PCED1B: variants seen among roughly 807,000 people sequenced by gnomAD.
PCED1B encodes the protein PC-esterase domain-containing protein 1B.
For synonymous variants in PCED1B, 251 were observed against 246.1 expected (o/e 1.02, Z -0.19); for missense variants, 573 against 573.9 (o/e 1.00, Z 0.02).
intron 2 of PCED1B, among the ~76,000 whole-genome samples, chr12:47,169,261 A>C (rs1294869420): frequency 6.6e-6 from 1 of 152,160 alleles, no homozygotes; most frequent in Non-Finnish European, 1.5e-5. Flanking sequence ...GAAACTTAGC[A>C]AGGCCTATTT....
At chr12:47,198,724 G>C (rs1212345730) in intron 2 of PCED1B, among the ~76,000 whole-genome samples, 1 of 152,162 alleles carries the variant, frequency 6.6e-6, no homozygotes, top group African/African-American at 2.4e-5. Flanking sequence ...CAGCACTTTG[G>C]GTGGCCAAGG....
chr12:47,198,111 A>G (rs1376533339), intron 2 of PCED1B, among the ~76,000 whole-genome samples: 1 of 152,240 alleles, frequency 6.6e-6, no homozygotes, highest in Non-Finnish European at 1.5e-5. Context: ...CTACAGACTC[A>G]TATCTTTCAC....
intron 1 of PCED1B, among the ~76,000 whole-genome samples, chr12:47,083,737 A>G (rs1335157327): frequency 6.6e-6 from 1 of 152,018 alleles, no homozygotes; most frequent in African/African-American, 2.4e-5. Flanking sequence ...GTTTCTCTGG[A>G]CGCTCCCTTT....
chr12:47,210,281 A>G (rs1943036915), intron 2 of PCED1B: 1 of 152,250 alleles, frequency 6.6e-6, no homozygotes, highest in African/African-American at 2.4e-5. Flanking sequence ...GAAAATAACC[A>G]CAATCAGAGT....
intron 2 of PCED1B, among the ~76,000 whole-genome samples, chr12:47,112,448 G>A (rs1939240504): frequency 6.6e-6 from 1 of 152,128 alleles, no homozygotes. Context: ...CTATCCTGGA[G>A]GAAAATATAT....
At chr12:47,199,930 G>C (rs1216978766) in intron 2 of PCED1B, among the ~76,000 whole-genome samples, 1 of 152,090 alleles carries the variant, frequency 6.6e-6, no homozygotes, top group Non-Finnish European at 1.5e-5. Flanking sequence ...GAAAATAAAA[G>C]GGCAAGCCAC....
At chr12:47,116,781 A>G (rs1565756890) in intron 2 of PCED1B, among the ~76,000 whole-genome samples, 1 of 152,196 alleles carries the variant, frequency 6.6e-6, no homozygotes, top group African/African-American at 2.4e-5. Context: ...TACCACTGCA[A>G]GTCTAGGAAG....
At chr12:47,156,976 C>T (rs1395651268) in intron 2 of PCED1B, among the ~76,000 whole-genome samples, 1 of 152,076 alleles carries the variant, frequency 6.6e-6, no homozygotes, top group Non-Finnish European at 1.5e-5. Flanking sequence ...AGTAAAATGC[C>T]TAATGCTAAT....
At position 47,235,232 on chromosome 12, in the gene PCED1B, G is replaced by C; in HGVS notation, c.169G>C (p.Glu57Gln). The change falls in exon 4 of 4, where the codon GAA (glutamate) becomes CAA (glutamine). Residue 57 changes from glutamate (E) to glutamine (Q), a missense_variant. By Grantham distance (29) the Glu-to-Gln change is conservative. Coordinates refer to ENST00000546455, the MANE Select transcript of PCED1B (RefSeq NM_138371.3). ...QLRARGELNF[E>Q]QDELVDGGQR... ...TAGAGCAAGGGGGGAGCTGAACTTC[G>C]AACAAGATGAGCTGGTGGACGGAGG... The C allele has an allele frequency of 6.2e-7, 1 of 1,611,852 alleles. No individual in the cohort carries two copies. The highest frequency in any genetic ancestry group is 8.5e-7 in the Non-Finnish European group (1 of 1,178,700).
At chr12:47,174,667 G>A (rs147424971) in intron 2 of PCED1B, among the ~76,000 whole-genome samples, 4 of 152,160 alleles carry the variant, frequency 2.6e-5, no homozygotes, top group African/African-American at 9.6e-5. Flanking sequence ...GAATATGACA[G>A]TTTTGTAAAA....
chr12:47,219,912 A>C (rs575347641), intron 3 of PCED1B, among the ~76,000 whole-genome samples: 18 of 152,182 alleles, frequency 1.2e-4, no homozygotes, highest in African/African-American at 4.3e-4. Flanking sequence ...ATTATTCAGA[A>C]GATTCACTGT....
intron 2 of PCED1B, among the ~76,000 whole-genome samples, chr12:47,163,944 A>G (rs1941466283): frequency 6.6e-6 from 1 of 152,168 alleles, no homozygotes; most frequent in Admixed American, 6.5e-5. Flanking sequence ...CTGTAACAAC[A>G]TGCTTTCTGG....
At chr12:47,220,347 T>A (rs893880318) in intron 3 of PCED1B, among the ~76,000 whole-genome samples, 1 of 152,050 alleles carries the variant, frequency 6.6e-6, no homozygotes, top group African/African-American at 2.4e-5. Context: ...AATTTTTGTA[T>A]TTTTAGTAGA....
At chr12:47,157,101 C>T (rs148820474) in intron 2 of PCED1B, among the ~76,000 whole-genome samples, 1 of 152,104 alleles carries the variant, frequency 6.6e-6, no homozygotes, top group Non-Finnish European at 1.5e-5. Context: ...ACATCAGGTA[C>T]ACAGAGAGCA....
rs1233280547 is a variant in PCED1B at position 47,089,461 on chromosome 12, C to CATGTATATATATATATATAT, written c.-609+9738_-609+9739insGTATATATATATATATATAT. Among the ~76,000 whole-genome samples the CATGTATATATATATATATAT allele has an allele frequency of 4.7e-3, 295 of 63,348 alleles. 28 individuals carry two copies. The highest frequency in any genetic ancestry group is 0.014 in the Admixed American group (51 of 3,736). The allele number at this position is 63,348 out of a possible 152,430, so 41.6% of individuals were successfully genotyped here. Reference sequence around the variant, plus strand: ...GACTCCATCTCAAAAAAAAAAAATACATATATATATATATATATATATATA... The same window carrying CATGTATATATATATATATAT: ...GACTCCATCTCAAAAAAAAAAAATACATGTATATATATATATATATATATATATATATATATATATATATA... On this transcript the variant is annotated intron_variant, in intron 1 of 3. Coordinates refer to ENST00000546455, the MANE Select transcript of PCED1B (RefSeq NM_138371.3).
intron 2 of PCED1B, among the ~76,000 whole-genome samples, chr12:47,156,954 T>A (rs964248850): frequency 6.6e-6 from 1 of 152,062 alleles, no homozygotes; most frequent in African/African-American, 2.4e-5. Flanking sequence ...GAAGATTAAG[T>A]GAGATGATCT....
intron 3 of PCED1B, among the ~76,000 whole-genome samples, chr12:47,219,096 G>A (rs3108222): frequency 0.08 from 12,156 of 151,910 alleles, 735 homozygotes; most frequent in African/African-American, 0.18. Context: ...AGCCAAGATT[G>A]CACCACTGCA....
intron 2 of PCED1B, among the ~76,000 whole-genome samples, chr12:47,141,153 C>A (rs1462141952): frequency 2.0e-5 from 3 of 152,148 alleles, no homozygotes; most frequent in Non-Finnish European, 4.4e-5. Context: ...TTAATTTGCT[C>A]CTCACTAAGT....
At chr12:47,089,307 C>T (rs1202154173) in intron 1 of PCED1B, among the ~76,000 whole-genome samples, 11 of 151,156 alleles carry the variant, frequency 7.3e-5, no homozygotes, top group African/African-American at 2.2e-4. Context: ...ATTAACAGGG[C>T]GTGGTGACGG....
Sources: allele counts gnomAD v4.1 joint callset (sites outside exome capture counted in the v4.1 genomes callset), GRCh38; gene constraint gnomAD v4.1.1; transcripts MANE v1.5; gene names NCBI Gene and HGNC (gene_info 2026-07-23, HGNC 2026-07-21).